The following WASL variants were observed in gnomAD, a reference collection of about 807,000 sequenced individuals.
The protein encoded by WASL is actin nucleation-promoting factor WASL.
In WASL, 20 loss-of-function variants were observed where a neutral mutation model predicts 55.5. The observed-to-expected ratio is 0.36, with a 90% CI of 0.25 to 0.52. WASL has a LOEUF of 0.52. Ranked by LOEUF, WASL falls within the 20% of genes least tolerant of loss-of-function variation. WASL has a pLI of 0.92. For synonymous variants in WASL, 249 were observed against 217.6 expected (o/e 1.14, Z -1.27); for missense variants, 504 against 622.5 (o/e 0.81, Z 2.03).
At chr7:123,734,048 C>A (rs1182660101) in intron 1 of WASL, among the ~76,000 whole-genome samples, 1 of 151,814 alleles carries the variant, frequency 6.6e-6, no homozygotes, top group African/African-American at 2.4e-5. Flanking sequence ...TAAAACAAAA[C>A]CTGGGTGACC....
chr7:123,748,339 G>A (rs1804475290), intron 1 of WASL, among the ~76,000 whole-genome samples: 1 of 152,180 alleles, frequency 6.6e-6, no homozygotes, highest in South Asian at 2.1e-4. Flanking sequence ...TTAACCAGCA[G>A]CAAGGGCGCG....
chr7:123,727,309 A>G lies in WASL; in HGVS notation c.118-18086T>C, dbSNP rs191834543. On this transcript the variant is annotated intron_variant, in intron 1 of 10. Transcript: ENST00000223023. Reference sequence around the variant, plus strand: ...ATAAACATACATCTTTCCAGTGACAATGTAATTCCTGAGCTATTTGCCCAA... The same window carrying G: ...ATAAACATACATCTTTCCAGTGACAGTGTAATTCCTGAGCTATTTGCCCAA... Among the ~76,000 whole-genome samples the G allele has an allele frequency of 6.6e-5, 10 of 151,878 alleles. 1 individual carries two copies. The highest frequency in any genetic ancestry group is 1.0e-4 in the Non-Finnish European group (7 of 67,938).
Position 123,692,623 on chromosome 7 carries a change from C to T in WASL, c.1071G>A (p.Gly357=), listed in dbSNP as rs1265037600. ...PPALPSSAPS[G]PPPPPPSVLG... is the part of the protein sequence containing the mutation. Reference sequence around the variant, plus strand: ...ACACAGATGGAGGTGGTGGTGGAGGCCCTGAAGGTGCTGAGGAGGGAAGGG... The same window carrying T: ...ACACAGATGGAGGTGGTGGTGGAGGTCCTGAAGGTGCTGAGGAGGGAAGGG... Residue 357 remains glycine, a synonymous_variant, in exon 9 of 11, where the codon GGG becomes GGA. Transcript: ENST00000223023. 3 of 1,596,004 alleles carry T rather than the reference C, an allele frequency of 1.9e-6. 1 individual carries two copies. In the South Asian group the frequency reaches 3.3e-5, roughly 18 times the overall value.
At position 123,748,688 on chromosome 7, in the gene WASL, T is replaced by C; in HGVS notation, c.47A>G (p.Asn16Ser). 1 of 1,611,510 alleles carries C rather than the reference T, an allele frequency of 6.2e-7. No homozygotes were observed. The highest frequency in any genetic ancestry group is 8.5e-7 in the Non-Finnish European group (1 of 1,179,052). The change falls in exon 1 of 11, where the codon AAC becomes AGC. Residue 16 changes from asparagine (N) to serine (S), a missense_variant. By Grantham distance (46) the Asn-to-Ser change is conservative. Coordinates refer to ENST00000223023, the MANE Select transcript of WASL (RefSeq NM_003941.4). ...CGGGGTGAGCAACAGGGACCCCACG[T>C]TGGTGACCCTCCGCGGCGGCGGCGG... is the stretch of plus-strand genomic sequence containing the variant. ...QQPPPPRRVT[N>S]VGSLLLTPQE...
At chr7:123,731,843 C>A (rs1804142273) in intron 1 of WASL, among the ~76,000 whole-genome samples, 1 of 151,886 alleles carries the variant, frequency 6.6e-6, no homozygotes, top group Admixed American at 6.6e-5. Context: ...AAGTATCTAA[C>A]TTACGAAACT....
At chr7:123,745,053 T>A (rs1804409298) in intron 1 of WASL, among the ~76,000 whole-genome samples, 1 of 152,180 alleles carries the variant, frequency 6.6e-6, no homozygotes, top group African/African-American at 2.4e-5. Context: ...CTCATTAACA[T>A]TTAGGCATAT....
At chr7:123,744,661 T>C (rs1804400770) in intron 1 of WASL, among the ~76,000 whole-genome samples, 2 of 152,198 alleles carry the variant, frequency 1.3e-5, no homozygotes, top group African/African-American at 2.4e-5. Context: ...AAACCAGATA[T>C]GGCTGTAGAG....
intron 1 of WASL, among the ~76,000 whole-genome samples, chr7:123,725,419 G>A (rs1584869530): frequency 1.3e-5 from 2 of 151,748 alleles, no homozygotes; most frequent in East Asian, 3.9e-4. Flanking sequence ...AGCTATGTAT[G>A]CAAAGATAAA....
chr7:123,719,972 A>G (rs1258656697), intron 1 of WASL, among the ~76,000 whole-genome samples: 1 of 152,124 alleles, frequency 6.6e-6, no homozygotes, highest in East Asian at 1.9e-4. Flanking sequence ...TATACCAGTT[A>G]CTGTATTATA....
intron 5 of WASL, among the ~76,000 whole-genome samples, chr7:123,700,193 AAAAAAAAAAAAAAACAAC>A (rs1412814401): frequency 7.4e-5 from 11 of 149,014 alleles, no homozygotes; most frequent in African/African-American, 2.5e-4. Flanking sequence ...AAAAAAAAAA[AAAAAAAAAAAAAAACAAC>A]ATTATTTAAG....
intron 1 of WASL, among the ~76,000 whole-genome samples, chr7:123,739,056 A>G (rs1351903482): frequency 6.6e-6 from 1 of 152,234 alleles, no homozygotes; most frequent in African/African-American, 2.4e-5. Flanking sequence ...GAACTAATAA[A>G]TAAGAAATTT....
intron 1 of WASL, among the ~76,000 whole-genome samples, chr7:123,730,889 T>C (rs967177763): frequency 2.0e-5 from 3 of 152,324 alleles, no homozygotes; most frequent in South Asian, 4.1e-4. Context: ...GTACAGGTAA[T>C]TGTCGCCCAG....
chr7:123,740,231 C>CT lies in WASL; in HGVS notation c.117+8386dup, dbSNP rs557821398. 4.3e-3 allele frequency among the ~76,000 whole-genome samples: 652 copies of CT among 151,734 alleles called. 2 individuals carry two copies. The highest frequency in any genetic ancestry group is 5.5e-3 in the Non-Finnish European group (373 of 67,958). On this transcript the variant is annotated intron_variant, in intron 1 of 10. Transcript: ENST00000223023. ...CATATATTATCTTTTATATATATAT[C>CT]TTTCATTTGATCACATTTTCTTGAG...
intron 7 of WASL, among the ~76,000 whole-genome samples, 185 bp from the exon 8 acceptor site, chr7:123,695,053 C>G (rs1803470088): frequency 6.6e-6 from 1 of 151,980 alleles, no homozygotes; most frequent in African/African-American, 2.4e-5. Context: ...TTTTATTCTT[C>G]TTTTTTGTTC....
intron 1 of WASL, among the ~76,000 whole-genome samples, chr7:123,736,745 A>AATT (rs1252999638): frequency 1.3e-5 from 2 of 152,216 alleles, no homozygotes; most frequent in Admixed American, 6.5e-5. Flanking sequence ...AAACAAGACA[A>AATT]ATAATAAATA....
chr7:123,717,949 T>C (rs1562962436), intron 1 of WASL, among the ~76,000 whole-genome samples: 2 of 152,018 alleles, frequency 1.3e-5, no homozygotes, highest in Non-Finnish European at 2.9e-5. Context: ...ATTTGGTCCA[T>C]GGTTGGTACT....
intron 1 of WASL, among the ~76,000 whole-genome samples, chr7:123,743,465 G>A (rs1804380850): frequency 1.3e-5 from 2 of 152,080 alleles, no homozygotes; most frequent in South Asian, 4.2e-4. Flanking sequence ...CAGCCAGGGA[G>A]GCTCAGGCTG....
intron 1 of WASL, among the ~76,000 whole-genome samples, chr7:123,725,217 T>C (rs971228855): frequency 6.6e-6 from 1 of 152,232 alleles, no homozygotes; most frequent in Non-Finnish European, 1.5e-5. Context: ...TAAAAACAGA[T>C]GGTGTTCTAT....
At chr7:123,742,425 A>C (rs557746442) in intron 1 of WASL, among the ~76,000 whole-genome samples, 14 of 152,324 alleles carry the variant, frequency 9.2e-5, no homozygotes, top group Admixed American at 7.8e-4. Flanking sequence ...CCCCACAGTA[A>C]CCTCAATCTT....
Sources: allele counts gnomAD v4.1 joint callset (sites outside exome capture counted in the v4.1 genomes callset), GRCh38; gene constraint gnomAD v4.1.1; transcripts MANE v1.5; gene names NCBI Gene and HGNC (gene_info 2026-07-23, HGNC 2026-07-21).